TSHR: variants seen among roughly 807,000 people sequenced by gnomAD.
TSHR encodes the protein thyrotropin receptor.
TSHR carries 51 observed loss-of-function variants against 64.1 expected under a neutral mutation model. The observed-to-expected ratio is 0.80, with a 90% CI of 0.64 to 1.01. The LOEUF is 1.01. Among genes scored for constraint, TSHR ranks in the 50% least tolerant of loss-of-function variants. The pLI, the probability that TSHR is intolerant of heterozygous loss-of-function variation, is 0.00. For missense variants in TSHR, 877 were observed against 942.8 expected (o/e 0.93, Z 0.91); for synonymous variants, 361 against 361.9 (o/e 1.00, Z 0.03).
rs1356767261 is a variant in TSHR, at chr14:81,139,749, A to G, written c.763A>G (p.Arg255Gly). 2 of 1,614,216 alleles carry G rather than the reference A, an allele frequency of 1.2e-6. No individual in the cohort carries two copies. Among genetic ancestry groups the G allele is most frequent in the Non-Finnish European group, 1.7e-6 (2 of 1,180,032 alleles). ...GGAGCACCTGAAGGAACTGATAGCA[A>G]GAAACACCTGGACTCTTAAGAAACT... Reference protein sequence around the residue: ...GLEHLKELIARNTWTLKKLPL... With the variant: ...GLEHLKELIAGNTWTLKKLPL... Residue 255 changes from arginine to glycine, a missense_variant, in exon 9 of 10, where the codon AGA becomes GGA. By Grantham distance (125) the Arg-to-Gly change is moderately radical (BLOSUM62 -2). Coordinates refer to ENST00000298171, the MANE Select transcript of TSHR (RefSeq NM_000369.5).
At chr14:80,963,124 T>C (rs998349145) in intron 1 of TSHR, among the ~76,000 whole-genome samples, 3 of 152,216 alleles carry the variant, frequency 2.0e-5, no homozygotes, top group African/African-American at 7.2e-5. Flanking sequence ...CCCAAGTAGG[T>C]CAACAACTTC....
chr14:81,066,218 T>G (rs1194990739), intron 2 of TSHR, among the ~76,000 whole-genome samples: 1 of 152,140 alleles, frequency 6.6e-6, no homozygotes, highest in Non-Finnish European at 1.5e-5. Flanking sequence ...GACTCATACT[T>G]CTTAACTGAG....
At chr14:81,017,001 A>G (rs117794018) in intron 1 of TSHR, among the ~76,000 whole-genome samples, 1,804 of 152,342 alleles carry the variant, frequency 0.012, 21 homozygotes, top group African/African-American at 0.016. Context: ...CAACAGAAGG[A>G]ATGGGAACAG....
At chr14:81,011,581 T>C (rs771911305) in intron 1 of TSHR, among the ~76,000 whole-genome samples, 1 of 152,122 alleles carries the variant, frequency 6.6e-6, no homozygotes, top group East Asian at 1.9e-4. Flanking sequence ...CCAATTTTGC[T>C]ACATGTTTAT....
chr14:81,028,434 G>A (rs1199637248), intron 1 of TSHR, among the ~76,000 whole-genome samples: 1 of 151,890 alleles, frequency 6.6e-6, no homozygotes, highest in Non-Finnish European at 1.5e-5. Flanking sequence ...AGCACTATAG[G>A]GCTAGACAGT....
At chr14:81,090,551 A>C (rs762389395) in intron 4 of TSHR, among the ~76,000 whole-genome samples, 1 of 133,004 alleles carries the variant, frequency 7.5e-6, no homozygotes, top group Non-Finnish European at 1.6e-5. Context: ...CTCTGGACAT[A>C]TTTTTTTAAA....
intron 1 of TSHR, chr14:81,012,662 G>A (rs546435453): frequency 1.3e-5 from 2 of 152,092 alleles, no homozygotes; most frequent in South Asian, 4.1e-4. Context: ...ATCTCATTGT[G>A]GTTTTGATTT....
intron 1 of TSHR, among the ~76,000 whole-genome samples, chr14:81,002,633 C>A (rs1364928164): frequency 6.6e-6 from 1 of 152,014 alleles, no homozygotes; most frequent in Non-Finnish European, 1.5e-5. Context: ...CATAGTTAAC[C>A]CTCTATCCAT....
At chr14:81,092,668 A>G in intron 6 of TSHR, 60 bp downstream of exon 6, 4 of 1,504,242 alleles carry the variant, frequency 2.7e-6, no homozygotes, top group Non-Finnish European at 3.7e-6. Context: ...CCATTTTCAT[A>G]TGTTTACAGA....
At position 81,139,705 on chromosome 14, in the gene TSHR, C is replaced by G; in HGVS notation, c.719C>G (p.Ala240Gly). ...GACGTGTCTCAAACCAGTGTCACTGCCCTTCCATCCAAAGGCCTGGAGCAC... is the reference window on the plus strand; with the variant it reads ...GACGTGTCTCAAACCAGTGTCACTGGCCTTCCATCCAAAGGCCTGGAGCAC... ...LLDVSQTSVT[A>G]LPSKGLEHLK... is the part of the protein sequence containing the mutation. The change falls in exon 9 of 10, where the codon GCC becomes GGC. Residue 240 changes from alanine to glycine, a missense_variant. By Grantham distance (60) the Ala-to-Gly change is moderately conservative (BLOSUM62 0). Coordinates refer to ENST00000298171, the MANE Select transcript of TSHR (RefSeq NM_000369.5). 1 of 1,614,182 alleles carries G rather than the reference C, an allele frequency of 6.2e-7. No homozygotes were observed.
At chr14:81,046,898 A>C (rs888329097) in intron 1 of TSHR, among the ~76,000 whole-genome samples, 2 of 152,220 alleles carry the variant, frequency 1.3e-5, no homozygotes, top group Non-Finnish European at 2.9e-5. Context: ...ACAGGCTGGA[A>C]TACAACAGAA....
chr14:81,130,998 C>CAAAAAAAAAA (rs76794218), intron 8 of TSHR, among the ~76,000 whole-genome samples: 1 of 67,362 alleles, frequency 1.5e-5, no homozygotes, highest in Non-Finnish European at 3.0e-5. Flanking sequence ...ACTCCGTCTC[C>CAAAAAAAAAA]AAAAAAAAAA....
intron 1 of TSHR, among the ~76,000 whole-genome samples, chr14:81,039,881 G>A (rs1334777395): frequency 6.6e-6 from 1 of 151,900 alleles, no homozygotes; most frequent in Non-Finnish European, 1.5e-5. Flanking sequence ...ATATTAAAAT[G>A]TCCATACTAC....
chr14:80,975,654 G>A (rs2268453), intron 1 of TSHR, among the ~76,000 whole-genome samples: 22,937 of 152,104 alleles, frequency 0.15, 2,049 homozygotes, highest in East Asian at 0.43. Flanking sequence ...ATTGAAAAAG[G>A]TCTTGCCAAA....
At chr14:81,134,163 T>C (rs1891359782) in intron 8 of TSHR, among the ~76,000 whole-genome samples, 1 of 152,170 alleles carries the variant, frequency 6.6e-6, no homozygotes, top group African/African-American at 2.4e-5. Context: ...TAGAAGGAGT[T>C]TCGCTCTTGT....
At position 81,103,299 on chromosome 14, in the gene TSHR, T is replaced by C. The variant is rs1391514399; in HGVS notation, c.615-5076T>C. On this transcript the variant is annotated intron_variant, in intron 7 of 9. Coordinates refer to ENST00000298171, the MANE Select transcript of TSHR (RefSeq NM_000369.5). This position sits in a 1 kb window ranked among gnomAD's most constrained non-coding sequence, Gnocchi z 4.1. The stretch of plus-strand genomic sequence containing the variant: ...CAATCTCCTGTAATTATCTTAATAG[T>C]GTTCAAGGATTTCACATGGCATGTT... 5.1e-6 allele frequency: 5 copies of C among 985,356 alleles called. No homozygotes were observed. In the African/African-American group the frequency reaches 8.7e-5, roughly 17 times the overall value. The allele number at this position is 985,356 out of a possible 1,614,324, so 61.0% of individuals were successfully genotyped here.
In TSHR at chr14:81,002,783, T is replaced by TAACTGCCAG. The variant is rs1566757847; in HGVS notation, c.170+46933_170+46934insAACTGCCAG. Among the ~76,000 whole-genome samples the TAACTGCCAG allele has an allele frequency of 5.2e-3, 66 of 12,580 alleles. 1 individual carries two copies. The East Asian group carries it at 0.17, about 32-fold the overall frequency. 8.3% of individuals were successfully genotyped at this position (12,580 alleles called of 152,430 possible). A position where few individuals can be genotyped will look rare whatever the true frequency, so the allele number is the denominator to read the frequency against. On this transcript the variant is annotated intron_variant, in intron 1 of 9. Transcript: ENST00000298171. ...TCTCATTAAGGTCCCTAATGCCTCT[T>TAACTGCCAG]TTTTTTTTTTTTTTTTTTTTTTTTA...
At chr14:81,081,225 A>C (rs893976847) in intron 3 of TSHR, among the ~76,000 whole-genome samples, 1 of 152,232 alleles carries the variant, frequency 6.6e-6, no homozygotes, top group South Asian at 2.1e-4. Flanking sequence ...ATTTAATCAC[A>C]TAAGAAAAGC....
chr14:81,051,402 C>A (rs188069768), intron 1 of TSHR: 27 of 152,102 alleles, frequency 1.8e-4, no homozygotes, highest in African/African-American at 6.3e-4. Context: ...AAATTTTGAC[C>A]TTCTCCCATG....
Sources: allele counts gnomAD v4.1 joint callset (sites outside exome capture counted in the v4.1 genomes callset), GRCh38; gene constraint gnomAD v4.1.1; non-coding constraint Gnocchi (gnomAD v3.1); transcripts MANE v1.5; gene names NCBI Gene and HGNC (gene_info 2026-07-23, HGNC 2026-07-21).